GRAMD2B: variants seen among roughly 807,000 people sequenced by gnomAD.
GRAMD2B encodes the protein GRAM domain containing 2B, also known as GRAM domain-containing protein 2B.
A neutral mutation model predicts 59.2 loss-of-function variants in GRAMD2B; 41 were observed. That is an observed-to-expected ratio of 0.69 (90% CI 0.54 to 0.90). The LOEUF is 0.90. Among genes scored for constraint, GRAMD2B ranks in the 40% least tolerant of loss-of-function variants. GRAMD2B has a pLI of 0.00. For missense variants in GRAMD2B, 424 were observed against 500.5 expected, an observed-to-expected ratio of 0.85 and a Z score of 1.46; for synonymous variants, 161 against 182.7, an observed-to-expected ratio of 0.88 and a Z score of 0.96.
intron 3 of GRAMD2B, among the ~76,000 whole-genome samples, chr5:126,471,743 A>G (rs1769626230): frequency 6.6e-6 from 1 of 152,208 alleles, no homozygotes; most frequent in Non-Finnish European, 1.5e-5. Flanking sequence ...CCTCTGGTAC[A>G]GAAGAGGAAA....
chr5:126,383,923 C>A (rs1755879871), intron 1 of GRAMD2B, among the ~76,000 whole-genome samples: 1 of 152,148 alleles, frequency 6.6e-6, no homozygotes, highest in Non-Finnish European at 1.5e-5. Flanking sequence ...ATTCCCAGGT[C>A]TACACTGACT....
intron 1 of GRAMD2B, among the ~76,000 whole-genome samples, chr5:126,378,626 T>C (rs1003219252): frequency 6.6e-6 from 1 of 152,174 alleles, no homozygotes; most frequent in African/African-American, 2.4e-5. Context: ...TGATACACAC[T>C]GTATACTTTG....
chr5:126,456,210 T>A (rs1310077725), intron 1 of GRAMD2B, among the ~76,000 whole-genome samples: 2 of 152,128 alleles, frequency 1.3e-5, no homozygotes, highest in African/African-American at 2.4e-5. Flanking sequence ...CCTCAGTAGC[T>A]ACCACTTTTT....
intron 3 of GRAMD2B, among the ~76,000 whole-genome samples, chr5:126,470,852 A>T (rs1402465865): frequency 1.3e-5 from 2 of 152,082 alleles, no homozygotes; most frequent in Non-Finnish European, 2.9e-5. Flanking sequence ...GAGCCACCGC[A>T]CTCAGCCTGC....
At chr5:126,445,021 A>T (rs1293660004) in intron 1 of GRAMD2B, among the ~76,000 whole-genome samples, 2 of 152,218 alleles carry the variant, frequency 1.3e-5, no homozygotes, top group Admixed American at 6.5e-5. Context: ...TGCAAAGGAC[A>T]TGATCTCAGT....
At chr5:126,470,684 G>T (rs1769389690) in intron 3 of GRAMD2B, among the ~76,000 whole-genome samples, 1 of 151,942 alleles carries the variant, frequency 6.6e-6, no homozygotes, top group Admixed American at 6.6e-5. Context: ...TCAACCATCT[G>T]AGTAGCTGGG....
At chr5:126,475,834 C>T (rs144123875) in intron 5 of GRAMD2B, among the ~76,000 whole-genome samples, 3,390 of 152,110 alleles carry the variant, frequency 0.022, 116 homozygotes, top group African/African-American at 0.076. Context: ...TGTGGCCGGG[C>T]GCAGTGGTTC....
intron 1 of GRAMD2B, among the ~76,000 whole-genome samples, chr5:126,407,580 T>C (rs1758372034): frequency 6.6e-6 from 1 of 152,034 alleles, no homozygotes; most frequent in African/African-American, 2.4e-5. Flanking sequence ...AAAATGGCTC[T>C]GATCTAAATA....
chr5:126,478,738 G>C (rs185148294), intron 6 of GRAMD2B, among the ~76,000 whole-genome samples: 1 of 152,252 alleles, frequency 6.6e-6, no homozygotes, highest in Admixed American at 6.5e-5. Flanking sequence ...GCGAGACCCT[G>C]TCTCAAAAAA....
At chr5:126,411,316 C>T (rs972109632) in intron 1 of GRAMD2B, among the ~76,000 whole-genome samples, 8 of 152,098 alleles carry the variant, frequency 5.3e-5, no homozygotes, top group Admixed American at 2.0e-4. Flanking sequence ...CATTCTTCTG[C>T]ATATGGCTAG....
intron 11 of GRAMD2B, 145 bp downstream of exon 11, chr5:126,485,918 A>G (rs1365752988): frequency 8.7e-6 from 5 of 576,498 alleles, no homozygotes; most frequent in African/African-American, 3.9e-5. Flanking sequence ...TCTGTCTCCT[A>G]CTTCAGGTTT....
At chr5:126,360,676 A>G (rs1355910311) in intron 1 of GRAMD2B, among the ~76,000 whole-genome samples, 1 of 152,158 alleles carries the variant, frequency 6.6e-6, no homozygotes, top group Non-Finnish European at 1.5e-5. Context: ...CCCCTGATAC[A>G]AGTACATTTT....
intron 8 of GRAMD2B, among the ~76,000 whole-genome samples, chr5:126,481,795 G>C (rs1771891871): frequency 6.6e-6 from 1 of 151,944 alleles, no homozygotes; most frequent in African/African-American, 2.4e-5. Flanking sequence ...TTGAAACCCT[G>C]TCTCTGCTAA....
At chr5:126,395,519 CA>C (rs1292019903) in intron 1 of GRAMD2B, among the ~76,000 whole-genome samples, 1 of 152,178 alleles carries the variant, frequency 6.6e-6, no homozygotes, top group Non-Finnish European at 1.5e-5. Flanking sequence ...CCAGGCAACA[CA>C]AAATTCACAA....
At chr5:126,450,690 CTG>C (rs1765189255) in intron 1 of GRAMD2B, among the ~76,000 whole-genome samples, 2 of 147,772 alleles carry the variant, frequency 1.4e-5, no homozygotes, top group South Asian at 4.4e-4. Flanking sequence ...GTTGCTCACT[CTG>C]TCCCGGCCAG....
intron 2 of GRAMD2B, among the ~76,000 whole-genome samples, chr5:126,467,783 A>G (rs969276143): frequency 2.8e-4 from 42 of 152,232 alleles, no homozygotes; most frequent in Non-Finnish European, 4.7e-4. Flanking sequence ...AATGGCCTGT[A>G]TCTGAAATTA....
At chr5:126,379,419 C>T (rs151008262) in intron 1 of GRAMD2B, among the ~76,000 whole-genome samples, 1,759 of 152,146 alleles carry the variant, frequency 0.012, 18 homozygotes, top group South Asian at 0.018. Context: ...GGGTAGATAC[C>T]CAGGAGTGGG....
rs1488940984 is a variant in GRAMD2B at position 126,450,064 on chromosome 5, T to C, written c.84-15362T>C. 2.6e-5 allele frequency among the ~76,000 whole-genome samples: 4 copies of C among 152,192 alleles called. No homozygotes were observed. In the South Asian group the frequency reaches 8.3e-4, roughly 32 times the overall value. On this transcript the variant is annotated intron_variant, in intron 1 of 13. Coordinates refer to ENST00000285689, the MANE Select transcript of GRAMD2B (RefSeq NM_023927.4). The stretch of plus-strand genomic sequence containing the variant: ...CTCTCTGGCTTTTGATCTCTTTTTT[T>C]TTTTCCTCCTACATGAAACAGAAGA...
chr5:126,478,571 T>C (rs1561591723), intron 6 of GRAMD2B, among the ~76,000 whole-genome samples: 1 of 152,294 alleles, frequency 6.6e-6, no homozygotes, highest in East Asian at 1.9e-4. Flanking sequence ...TGAAACCCTC[T>C]GTCTTCAAAA....
Sources: gnomAD v4.1 joint callset for allele counts (sites outside exome capture counted in the v4.1 genomes callset) on GRCh38, gnomAD v4.1.1 for gene constraint, MANE v1.5 for transcripts, NCBI Gene and HGNC (gene_info 2026-07-23, HGNC 2026-07-21) for gene names.